MCTP1: variants seen among roughly 807,000 people sequenced by gnomAD.
MCTP1 encodes multiple C2 and transmembrane domain-containing protein 1.
MCTP1 carries 69 observed loss-of-function variants against 120.6 expected under a neutral mutation model. That is an observed-to-expected ratio of 0.57 (90% confidence interval 0.47 to 0.70). MCTP1 has a LOEUF of 0.70. Ranked by LOEUF, MCTP1 falls within the 30% of genes least tolerant of loss-of-function variation. The pLI is 0.00. For synonymous variants in MCTP1, 529 were observed against 493.1 expected (o/e 1.07, Z -0.96); for missense variants, 1,203 against 1,248.8 (o/e 0.96, Z 0.55).
At chr5:94,917,307 T>C (rs1291625614) in intron 8 of MCTP1, among the ~76,000 whole-genome samples, 2 of 152,166 alleles carry the variant, frequency 1.3e-5, no homozygotes, top group African/African-American at 4.8e-5. Context: ...CTTGTTGAAT[T>C]AGAACTCTTC....
At chr5:95,102,222 G>A (rs938807152) in intron 1 of MCTP1, among the ~76,000 whole-genome samples, 2 of 152,144 alleles carry the variant, frequency 1.3e-5, no homozygotes, top group African/African-American at 4.8e-5. Flanking sequence ...ACTTGCCTAT[G>A]TGAACCAGCT....
At chr5:94,935,356 C>A (rs1815917884) in intron 5 of MCTP1, among the ~76,000 whole-genome samples, 1 of 151,992 alleles carries the variant, frequency 6.6e-6, no homozygotes, top group Admixed American at 6.6e-5. Context: ...ATCATCCCAA[C>A]TGCATAATTC....
intron 17 of MCTP1, among the ~76,000 whole-genome samples, chr5:94,841,466 A>G (rs1791036392): frequency 6.6e-6 from 1 of 152,074 alleles, no homozygotes; most frequent in Non-Finnish European, 1.5e-5. Context: ...AACACTGTGG[A>G]ATTATATTCA....
chr5:94,752,805 A>C (rs1768813892), intron 19 of MCTP1, among the ~76,000 whole-genome samples: 1 of 152,238 alleles, frequency 6.6e-6, no homozygotes, highest in African/African-American at 2.4e-5. Context: ...CCAAACAGGG[A>C]CACCTCTGAA....
At chr5:94,868,569 C>A (rs2153276679) in intron 16 of MCTP1, 117 bp from the exon 17 acceptor site, 1 of 649,822 alleles carries the variant, frequency 1.5e-6, no homozygotes, top group Non-Finnish European at 2.3e-6. Flanking sequence ...AATAAAGTTA[C>A]AAGAAAATAC....
intron 17 of MCTP1, among the ~76,000 whole-genome samples, chr5:94,829,043 T>C (rs1307365392): frequency 6.6e-6 from 1 of 152,034 alleles, no homozygotes; most frequent in Non-Finnish European, 1.5e-5. Context: ...GTTAGCACAG[T>C]GTCTGCCCAA....
chr5:95,076,220 C>A (rs1299617171), intron 1 of MCTP1, among the ~76,000 whole-genome samples: 1 of 152,050 alleles, frequency 6.6e-6, no homozygotes, highest in Non-Finnish European at 1.5e-5. Context: ...CTCTGTCTCT[C>A]AAAATATCAT....
intron 10 of MCTP1, among the ~76,000 whole-genome samples, chr5:94,907,752 G>T (rs1807306525): frequency 6.7e-6 from 1 of 150,062 alleles, no homozygotes; most frequent in East Asian, 1.9e-4. Flanking sequence ...TCTTACCAAA[G>T]GAAAAAAATA....
At chr5:94,708,855 A>G in intron 21 of MCTP1, 1 of 335,542 alleles carries the variant, frequency 3.0e-6, no homozygotes, top group Non-Finnish European at 5.6e-6. Context: ...CTGGGGGTTA[A>G]TTAGCAATAT....
At chr5:95,187,020 C>A (rs961657246) in intron 1 of MCTP1, among the ~76,000 whole-genome samples, 2 of 152,172 alleles carry the variant, frequency 1.3e-5, no homozygotes, top group Non-Finnish European at 2.9e-5. Context: ...ATTAGTACAA[C>A]TACTATGGAA....
At chr5:95,040,752 T>C (rs1362986355) in intron 1 of MCTP1, among the ~76,000 whole-genome samples, 1 of 152,074 alleles carries the variant, frequency 6.6e-6, no homozygotes, top group East Asian at 1.9e-4. Context: ...CTGGCCACAG[T>C]GACTGATTCA....
At chr5:95,088,589 G>A (rs188837289) in intron 1 of MCTP1, among the ~76,000 whole-genome samples, 4 of 152,274 alleles carry the variant, frequency 2.6e-5, no homozygotes, top group Non-Finnish European at 5.9e-5. Context: ...TATGTACCCA[G>A]CTAACAAGTA....
intron 19 of MCTP1, among the ~76,000 whole-genome samples, chr5:94,773,023 G>A (rs1580605965): frequency 6.6e-6 from 1 of 152,170 alleles, no homozygotes; most frequent in East Asian, 1.9e-4. Context: ...GATTCTAGAT[G>A]AAATAGATAG....
rs1166767684 is a variant in MCTP1, at chr5:94,705,011, T to C, written c.*2485A>G. 6.6e-6 allele frequency: 1 copy of C among 151,350 alleles called. No individual in the cohort carries two copies. Among genetic ancestry groups the C allele is most frequent in the Non-Finnish European group, 1.5e-5 (1 of 67,584 alleles). The allele number at this position is 151,350 out of a possible 1,614,324, so 9.4% of individuals were successfully genotyped here. A position where few individuals can be genotyped will look rare whatever the true frequency, so the allele number is the denominator to read the frequency against. ...ATCACAACGAATGTCAGTAATAGTT[T>C]ATGAATATAAATAATGACTCAGTGA... On this transcript the variant is annotated 3_prime_UTR_variant, in exon 23 of 23. Coordinates refer to ENST00000515393, the MANE Select transcript of MCTP1 (RefSeq NM_024717.7).
intron 3 of MCTP1, among the ~76,000 whole-genome samples, chr5:94,950,681 C>T (rs1224974387): frequency 6.6e-6 from 1 of 151,968 alleles, no homozygotes; most frequent in Non-Finnish European, 1.5e-5. Flanking sequence ...TGGCCAGGCG[C>T]GGTGGCTCGT....
At chr5:95,218,039 T>C (rs558113574) in intron 1 of MCTP1, among the ~76,000 whole-genome samples, 5 of 152,356 alleles carry the variant, frequency 3.3e-5, no homozygotes, top group African/African-American at 9.6e-5. Context: ...ATCTAGCCTG[T>C]GAACCAGAGA....
chr5:94,850,661 T>C (rs1439249538), intron 17 of MCTP1, among the ~76,000 whole-genome samples: 1 of 152,146 alleles, frequency 6.6e-6, no homozygotes, highest in Non-Finnish European at 1.5e-5. Context: ...TTTGCATTGT[T>C]TCCCTCTTTA....
chr5:95,142,475 T>A (rs867237890), intron 1 of MCTP1, among the ~76,000 whole-genome samples: 6 of 152,322 alleles, frequency 3.9e-5, no homozygotes, highest in Admixed American at 6.5e-5. Context: ...TATGTCACAT[T>A]TCCCTGCAGA....
chr5:94,856,625 C>T (rs992717446), intron 17 of MCTP1, among the ~76,000 whole-genome samples: 10 of 151,536 alleles, frequency 6.6e-5, no homozygotes, highest in Non-Finnish European at 1.0e-4. Context: ...GCAGCAAACC[C>T]GATGAGAAGG....
Sources: gnomAD v4.1 joint callset for allele counts (sites outside exome capture counted in the v4.1 genomes callset) on GRCh38, gnomAD v4.1.1 for gene constraint, MANE v1.5 for transcripts, NCBI Gene and HGNC (gene_info 2026-07-23, HGNC 2026-07-21) for gene names.